The following DBN1 variants were observed in gnomAD, a reference collection of about 807,000 sequenced individuals.
The protein encoded by DBN1 is drebrin 1, also known as drebrin.
In DBN1, 21 loss-of-function variants were observed where a neutral mutation model predicts 83.5. That is an observed-to-expected ratio of 0.25 (90% CI 0.18 to 0.36). The LOEUF (loss-of-function observed/expected upper bound fraction) is 0.36, where lower values mean the gene tolerates loss of function less well. Ranked by LOEUF, DBN1 falls within the 10% of genes least tolerant of loss-of-function variation. DBN1 has a pLI of 1.00. For missense variants in DBN1, 874 were observed against 935.7 expected, an observed-to-expected ratio of 0.93 and a Z score of 0.86; for synonymous variants, 381 against 384.9, an observed-to-expected ratio of 0.99 and a Z score of 0.12.
At chr5:177,471,152 G>GGGGTGAGCTGGGGTGGA (rs1757816041) in intron 1 of DBN1, among the ~76,000 whole-genome samples, 1 of 152,036 alleles carries the variant, frequency 6.6e-6, no homozygotes, top group Non-Finnish European at 1.5e-5. Flanking sequence ...GCTGGGATGG[G>GGGGTGAGCTGGGGTGGA]GGGTGAGCTG....
In DBN1 at chr5:177,467,038, C is replaced by G; in HGVS notation, c.580G>C (p.Glu194Gln). The change falls in exon 7 of 15, where the codon GAG (glutamate) becomes CAG (glutamine). Residue 194 changes from glutamate to glutamine, a missense_variant. Around this residue, in one of 4 missense-constraint regions of DBN1, gnomAD observed 725 missense variants for 719.7 expected, o/e 1.01. Transcript: ENST00000393565. The surrounding 1 kb of genome is among the most constrained non-coding windows in gnomAD (Gnocchi z 9.1). The part of the protein sequence containing the change: ...AKKEEELRKE[E>Q]ERKKALDERL... ...TCATCCAGGGCCTTCTTCCGCTCCT[C>G]CTCCTTCCGCAGCTCTTCTTCCTTC... The G allele has an allele frequency of 6.2e-7, 1 of 1,613,914 alleles. No homozygotes were observed. The highest frequency in any genetic ancestry group is 1.3e-5 in the African/African-American group (1 of 75,056).
intron 13 of DBN1, 47 bp from the exon 14 acceptor site, chr5:177,457,804 G>A: frequency 7.6e-7 from 1 of 1,311,794 alleles, no homozygotes; most frequent in Non-Finnish European, 1.1e-6. Context: ...AGCAGGACTG[G>A]GGCTGACCTA....
intron 10 of DBN1, 149 bp from the exon 11 acceptor site, chr5:177,459,889 C>A: frequency 1.2e-6 from 1 of 865,586 alleles, no homozygotes; most frequent in Middle Eastern, 3.5e-4. Flanking sequence ...AAGCCAGCCG[C>A]AGCCTCACAC....
At chr5:177,464,540 A>G (rs1194307432) in intron 8 of DBN1, among the ~76,000 whole-genome samples, 1 of 151,892 alleles carries the variant, frequency 6.6e-6, no homozygotes, top group East Asian at 1.9e-4. Context: ...AGGGCAGATC[A>G]TGAGGTTAAG....
chr5:177,473,606 C>T lies in DBN1; in HGVS notation c.-85G>A. ...GAGGGAGGGAAAGAGGGAGTCGCCGCCGCCGCCTCGGAGCCTCTGCAGCGT... is the reference window on the plus strand; with the variant it reads ...GAGGGAGGGAAAGAGGGAGTCGCCGTCGCCGCCTCGGAGCCTCTGCAGCGT... On this transcript the variant is annotated 5_prime_UTR_variant, in exon 1 of 15. Transcript: ENST00000393565. 1 of 951,260 alleles carries T rather than the reference C, an allele frequency of 1.1e-6. No individual in the cohort carries two copies. The highest frequency in any genetic ancestry group is 3.7e-5 in the South Asian group (1 of 27,250). The allele number at this position is 951,260 out of a possible 1,614,324, so 58.9% of individuals were successfully genotyped here. A position where few individuals can be genotyped will look rare whatever the true frequency, so the allele number is the denominator to read the frequency against.
chr5:177,461,289 A>G lies in DBN1; in HGVS notation c.772-586T>C, dbSNP rs563588555. On this transcript the variant is annotated intron_variant, in intron 8 of 14. Transcript: ENST00000393565. ...AATTTTTTGTATTTTTAGTAGAGACAGGGTTTCACCGTTTTAGCCGGGATG... is the reference window on the plus strand; with the variant it reads ...AATTTTTTGTATTTTTAGTAGAGACGGGGTTTCACCGTTTTAGCCGGGATG... 3.0e-3 allele frequency among the ~76,000 whole-genome samples: 447 copies of G among 150,770 alleles called. 1 individual carries two copies. Among genetic ancestry groups the G allele is most frequent in the African/African-American group, 5.8e-3 (238 of 40,966 alleles).
chr5:177,464,275 G>A (rs564708578), intron 8 of DBN1, among the ~76,000 whole-genome samples: 78 of 147,414 alleles, frequency 5.3e-4, no homozygotes, highest in Non-Finnish European at 9.3e-4. Context: ...GTGAAACCCT[G>A]TCTCTACTAA....
intron 8 of DBN1, among the ~76,000 whole-genome samples, chr5:177,464,960 C>G (rs567183544): frequency 2.0e-5 from 3 of 151,954 alleles, no homozygotes; most frequent in Admixed American, 1.3e-4. Context: ...CGAGACCACC[C>G]TGGCTAACAT....
chr5:177,464,760 T>C (rs1029289789), intron 8 of DBN1, among the ~76,000 whole-genome samples: 12 of 151,902 alleles, frequency 7.9e-5, no homozygotes, highest in Non-Finnish European at 1.8e-4. Flanking sequence ...GCCAACATGG[T>C]GAAACCCCAT....
chr5:177,458,642 C>A lies in DBN1; in HGVS notation c.1330G>T (p.Ala444Ser). 1 of 1,596,558 alleles carries A rather than the reference C, an allele frequency of 6.3e-7. No homozygotes were observed. ...ETRAAAPQAW[A>S]GPMEEPPQAQ... is the part of the protein sequence containing the mutation. ...TGAGGGGGCTCCTCCATGGGGCCGGCCCAGGCCTGAGGGGCTGCTGCTCTG... is the reference window on the plus strand; with the variant it reads ...TGAGGGGGCTCCTCCATGGGGCCGGACCAGGCCTGAGGGGCTGCTGCTCTG... Residue 444 changes from alanine to serine, a missense_variant, in exon 13 of 15, where the codon GCC (alanine) becomes TCC (serine). Around this residue, in one of 4 missense-constraint regions of DBN1, gnomAD observed 725 missense variants for 719.7 expected, o/e 1.01. Transcript: ENST00000393565.
At chr5:177,471,703 G>GC (rs1293986573) in intron 1 of DBN1, among the ~76,000 whole-genome samples, 1 of 152,160 alleles carries the variant, frequency 6.6e-6, no homozygotes, top group Non-Finnish European at 1.5e-5. Context: ...GTACATGTGT[G>GC]CATCTGTGTG....
At chr5:177,468,979 G>A (rs1285606279) in intron 1 of DBN1, 80 bp from the exon 2 acceptor site, 5 of 832,018 alleles carry the variant, frequency 6.0e-6, no homozygotes, top group Admixed American at 3.1e-5. Context: ...TGGGGAGGGA[G>A]AGGGACATGG....
intron 2 of DBN1, chr5:177,468,471 C>T (rs1757624037): frequency 1.8e-6 from 1 of 560,226 alleles, no homozygotes; most frequent in African/African-American, 1.9e-5. Flanking sequence ...GTTCTTCACA[C>T]TCAGGTCTCA....
rs1757662060 is a variant in DBN1, at chr5:177,468,976, G to A, written c.87-77C>T. 1.2e-5 allele frequency: 11 copies of A among 909,688 alleles called. No individual in the cohort carries two copies. The South Asian group carries it at 4.7e-4, about 39-fold the overall frequency. The allele number at this position is 909,688 out of a possible 1,614,324, so 56.4% of individuals were successfully genotyped here. ...TCTGGGTGGGGACGGCTCTGGGGAG[G>A]GAGAGGGACATGGAGTGGGTAGGAC... On this transcript the variant is annotated intron_variant, in intron 1 of 14. Coordinates refer to ENST00000393565, the MANE Select transcript of DBN1 (RefSeq NM_001363541.2).
chr5:177,472,057 G>A, intron 1 of DBN1: 3 of 1,563,872 alleles, frequency 1.9e-6, no homozygotes, highest in Non-Finnish European at 2.6e-6. Context: ...CCTGGGGCAG[G>A]GCTGGGACAA....
At position 177,466,508 on chromosome 5, in the gene DBN1, T is replaced by G. The variant is rs1483573784; in HGVS notation, c.771+264A>C. On this transcript the variant is annotated intron_variant, in intron 8 of 14. Transcript: ENST00000393565. This position sits in a 1 kb window ranked among gnomAD's most constrained non-coding sequence, Gnocchi z 4.8. ...CCAGGGCAGGGGAGGGGGAGCCTGGTCAGTGAGGGTCTGGGTCTAGATGGA... is the reference window on the plus strand; with the variant it reads ...CCAGGGCAGGGGAGGGGGAGCCTGGGCAGTGAGGGTCTGGGTCTAGATGGA... Among the ~76,000 whole-genome samples the G allele has an allele frequency of 1.3e-5, 2 of 152,088 alleles. No individual in the cohort carries two copies. Among genetic ancestry groups the G allele is most frequent in the African/African-American group, 4.8e-5 (2 of 41,400 alleles).
intron 10 of DBN1, 106 bp downstream of exon 10, chr5:177,460,326 C>T (rs1756926872): frequency 1.3e-6 from 2 of 1,543,664 alleles, no homozygotes; most frequent in Admixed American, 3.4e-5. Flanking sequence ...GTCTCGCCTT[C>T]TCCAAGGGTT....
At chr5:177,465,854 CAAA>C (rs111807451) in intron 8 of DBN1, among the ~76,000 whole-genome samples, 7 of 69,856 alleles carry the variant, frequency 1.0e-4, no homozygotes, top group African/African-American at 1.8e-4. Context: ...GACTCCATCT[CAAA>C]AAAAAAAAAA....
Position 177,468,896 on chromosome 5 carries a change from A to T in DBN1, c.90T>A (p.Ala30=). 1 of 1,313,758 alleles carries T rather than the reference A, an allele frequency of 7.6e-7. No individual in the cohort carries two copies. Among genetic ancestry groups the T allele is most frequent in the Non-Finnish European group, 9.8e-7 (1 of 1,022,296 alleles). The allele number at this position is 1,313,758 out of a possible 1,614,324, so 81.4% of individuals were successfully genotyped here. A position where few individuals can be genotyped will look rare whatever the true frequency, so the allele number is the denominator to read the frequency against. Residue 30 remains alanine, a synonymous_variant, in exon 2 of 15, where the codon GCT becomes GCA. Transcript: ENST00000393565. ...VIREESAADW[A]LYTYEDGSDD... ...CGGAGCCATCTTCATATGTGTACAG[A>T]GCCCTGGGGAGAGGGAGGGGTGGCT...
Sources: allele counts gnomAD v4.1 joint callset (sites outside exome capture counted in the v4.1 genomes callset), GRCh38; gene constraint gnomAD v4.1.1; regional missense constraint gnomAD v4.1.1; non-coding constraint Gnocchi (gnomAD v3.1); transcripts MANE v1.5; gene names NCBI Gene and HGNC (gene_info 2026-07-23, HGNC 2026-07-21).